Variants in CFAP299 observed in about 807,000 individuals in gnomAD.
CFAP299 encodes cilia- and flagella-associated protein 299.
CFAP299 carries 21 observed loss-of-function variants against 27.0 expected under a neutral mutation model. The observed-to-expected ratio is 0.78, with a 90% CI of 0.55 to 1.12. CFAP299 has a LOEUF of 1.12. Ranked by LOEUF, CFAP299 falls within the 50% of genes most tolerant of loss-of-function variation. The probability of loss-of-function intolerance (pLI) is 0.00; values close to 1 mark genes in which losing one functional copy is unlikely to be tolerated. For synonymous variants in CFAP299, 104 were observed against 98.1 expected (o/e 1.06, Z -0.36); for missense variants, 310 against 276.6 (o/e 1.12, Z -0.86).
chr4:80,520,632 G>A (rs1405054106), intron 2 of CFAP299, among the ~76,000 whole-genome samples: 1 of 152,194 alleles, frequency 6.6e-6, no homozygotes, highest in African/African-American at 2.4e-5. Flanking sequence ...TTGCCTGTGA[G>A]ATGAAACCTT....
At chr4:80,695,209 A>G (rs930244768) in intron 3 of CFAP299, among the ~76,000 whole-genome samples, 2 of 152,190 alleles carry the variant, frequency 1.3e-5, no homozygotes, top group Admixed American at 1.3e-4. Context: ...TTGTTAAATA[A>G]TAGCTAGCAT....
chr4:80,959,029 G>A (rs993032365), intron 5 of CFAP299, among the ~76,000 whole-genome samples: 2 of 152,134 alleles, frequency 1.3e-5, no homozygotes, highest in African/African-American at 4.8e-5. Context: ...GAGCAGTCTG[G>A]TGAGAGTTTA....
chr4:80,923,541 TC>T (rs1481718109), intron 4 of CFAP299, among the ~76,000 whole-genome samples: 1 of 152,068 alleles, frequency 6.6e-6, no homozygotes, highest in Non-Finnish European at 1.5e-5. Flanking sequence ...TTATTTGCTG[TC>T]CTACTGTATA....
At chr4:80,477,094 T>C (rs1216199737) in intron 2 of CFAP299, among the ~76,000 whole-genome samples, 1 of 152,070 alleles carries the variant, frequency 6.6e-6, no homozygotes, top group Non-Finnish European at 1.5e-5. Context: ...TTCTGTTGCC[T>C]AGCAAGTTAG....
At chr4:80,666,759 C>A (rs1741159804) in intron 3 of CFAP299, among the ~76,000 whole-genome samples, 1 of 152,164 alleles carries the variant, frequency 6.6e-6, no homozygotes, top group African/African-American at 2.4e-5. Flanking sequence ...GACCTACATG[C>A]CACCAAATAG....
chr4:80,866,757 T>C (rs1732771759), intron 3 of CFAP299, among the ~76,000 whole-genome samples: 3 of 152,176 alleles, frequency 2.0e-5, no homozygotes, highest in African/African-American at 2.4e-5. Flanking sequence ...AGAGCAGACA[T>C]TTAACTCTCA....
At chr4:80,692,095 A>G (rs1429354268) in intron 3 of CFAP299, among the ~76,000 whole-genome samples, 2 of 152,240 alleles carry the variant, frequency 1.3e-5, no homozygotes, top group Admixed American at 6.5e-5. Flanking sequence ...GGAAGAATCA[A>G]TATCATGAAA....
At position 80,655,915 on chromosome 4, in the gene CFAP299, T is replaced by A. The variant is rs142635474; in HGVS notation, c.333+72732T>A. Reference sequence around the variant, plus strand: ...ATGCAAACCATCTCCTTGCTCTCTGTTTGAAGAGCTGTTCTTGCTTCTCTT... The same window carrying A: ...ATGCAAACCATCTCCTTGCTCTCTGATTGAAGAGCTGTTCTTGCTTCTCTT... On this transcript the variant is annotated intron_variant, in intron 3 of 5. Transcript: ENST00000358105. Among the ~76,000 whole-genome samples the A allele has an allele frequency of 5.0e-3, 768 of 152,268 alleles. 5 individuals carry two copies. Among genetic ancestry groups the A allele is most frequent in the Middle Eastern group, 0.02 (6 of 294 alleles).
At position 80,949,617 on chromosome 4, in the gene CFAP299, G is replaced by A. The variant is rs539531501; in HGVS notation, c.606+4678G>A. Reference sequence around the variant, plus strand: ...AATTGAACTAGAGAGGGGGAGAATCGAACACATAAGGAGGGAAAGGGAGTC... The same window carrying A: ...AATTGAACTAGAGAGGGGGAGAATCAAACACATAAGGAGGGAAAGGGAGTC... On this transcript the variant is annotated intron_variant, in intron 5 of 5. Transcript: ENST00000358105. 4.0e-5 allele frequency among the ~76,000 whole-genome samples: 6 copies of A among 149,528 alleles called. No individual in the cohort carries two copies. The South Asian group carries it at 8.5e-4, about 21-fold the overall frequency.
chr4:80,775,859 T>G (rs934779131), intron 3 of CFAP299, among the ~76,000 whole-genome samples: 2 of 152,154 alleles, frequency 1.3e-5, no homozygotes, highest in Non-Finnish European at 2.9e-5. Context: ...CATGGAAATA[T>G]TCCAGTAAGT....
chr4:80,575,180 T>C (rs1400207185), intron 2 of CFAP299, among the ~76,000 whole-genome samples: 1 of 152,184 alleles, frequency 6.6e-6, no homozygotes, highest in Non-Finnish European at 1.5e-5. Flanking sequence ...TCTTCATGGT[T>C]CAATTTTGGT....
chr4:80,410,923 A>G (rs1726688487), intron 2 of CFAP299, among the ~76,000 whole-genome samples: 1 of 152,172 alleles, frequency 6.6e-6, no homozygotes, highest in Admixed American at 6.6e-5. Context: ...TTTGTTAATA[A>G]GAATTAGGTT....
intron 3 of CFAP299, among the ~76,000 whole-genome samples, chr4:80,841,421 A>T (rs1446563593): frequency 6.6e-6 from 1 of 152,112 alleles, no homozygotes; most frequent in Admixed American, 6.6e-5. Context: ...CTTCACTGTC[A>T]TGTTCCAACA....
chr4:80,558,389 T>A (rs1734886373), intron 2 of CFAP299, among the ~76,000 whole-genome samples: 1 of 146,266 alleles, frequency 6.8e-6, no homozygotes, highest in Non-Finnish European at 1.5e-5. Context: ...CCAGGAACCT[T>A]AAAGTTCTCA....
intron 2 of CFAP299, chr4:80,387,181 G>A (rs980550273): frequency 1.9e-5 from 25 of 1,339,636 alleles, no homozygotes; most frequent in Non-Finnish European, 2.7e-5. Context: ...GCTGTGGAAG[G>A]AGGCTGTGGG....
At chr4:80,841,921 C>G (rs1238402486) in intron 3 of CFAP299, among the ~76,000 whole-genome samples, 1 of 152,040 alleles carries the variant, frequency 6.6e-6, no homozygotes, top group Non-Finnish European at 1.5e-5. Flanking sequence ...GAAGACAACC[C>G]GGGATATCTT....
chr4:80,367,097 G>A (rs1324069323), intron 2 of CFAP299, among the ~76,000 whole-genome samples: 48 of 152,104 alleles, frequency 3.2e-4, no homozygotes, highest in Non-Finnish European at 2.9e-5. Context: ...TTTCTTCTTG[G>A]TGTGATAATA....
rs1560623783 is a variant in CFAP299 at position 80,558,363 on chromosome 4, TTTG to T, written c.243-24727_243-24725del. 1.6e-3 allele frequency among the ~76,000 whole-genome samples: 217 copies of T among 135,528 alleles called. 4 individuals carry two copies. Among genetic ancestry groups the T allele is most frequent in the Middle Eastern group, 7.8e-3 (2 of 256 alleles). The allele number at this position is 135,528 out of a possible 152,430, so 88.9% of individuals were successfully genotyped here. Reference sequence around the variant, plus strand: ...GTTTTTTTGTTTGTTTGTTTGTTTGTTTGTTTTTTTTTTGGCCAGGAACCTTAA... The same window carrying T: ...GTTTTTTTGTTTGTTTGTTTGTTTGTTTTTTTTTTTGGCCAGGAACCTTAA... On this transcript the variant is annotated intron_variant, in intron 2 of 5. Coordinates refer to ENST00000358105, the MANE Select transcript of CFAP299 (RefSeq NM_152770.3).
At chr4:80,470,326 T>A (rs1729931146) in intron 2 of CFAP299, among the ~76,000 whole-genome samples, 1 of 152,182 alleles carries the variant, frequency 6.6e-6, no homozygotes, top group South Asian at 2.1e-4. Flanking sequence ...TTGAAAAAAA[T>A]ATATGAATGA....
Sources: gnomAD v4.1 joint callset for allele counts (sites outside exome capture counted in the v4.1 genomes callset) on GRCh38, gnomAD v4.1.1 for gene constraint, MANE v1.5 for transcripts, NCBI Gene and HGNC (gene_info 2026-07-23, HGNC 2026-07-21) for gene names.